The following ADCY3 variants were observed in gnomAD, a reference collection of about 807,000 sequenced individuals.
ADCY3 encodes adenylate cyclase 3.
Under a neutral mutation model 119.4 loss-of-function variants are expected in ADCY3, and 70 were observed. The observed-to-expected ratio is 0.59, with a 90% confidence interval of 0.48 to 0.72. The LOEUF is 0.72. Ranked by LOEUF, ADCY3 falls within the 30% of genes least tolerant of loss-of-function variation. The pLI, the probability that ADCY3 is intolerant of heterozygous loss-of-function variation, is 0.00. For missense variants in ADCY3, 1,238 were observed against 1,541.6 expected (o/e 0.80, Z 3.30); for synonymous variants, 672 against 621.4 (o/e 1.08, Z -1.21).
In ADCY3 at chr2:24,918,893, A is replaced by G. The variant is rs1264565022; in HGVS notation, c.95T>C (p.Val32Ala). The G allele has an allele frequency of 6.2e-7, 1 of 1,612,750 alleles. No homozygotes were observed. Among genetic ancestry groups the G allele is most frequent in the South Asian group, 1.1e-5 (1 of 91,062 alleles). ...GACCGAGATTTCATGGGTCCGGCCC[A>G]CCCCGCGGTCAGGGTCGGAGGGCAG... ...VSLPSDPDRG[V>A]GRTHEISVRN... is the part of the protein sequence containing the mutation. Residue 32 changes from valine (V) to alanine (A), a missense_variant, in exon 2 of 22, where the codon GTG (valine) becomes GCG (alanine). Val to Ala is a moderately conservative substitution (Grantham distance 64, BLOSUM62 0). Around this residue, in one of 7 missense-constraint regions of ADCY3, gnomAD observed 227 missense variants for 249.3 expected, o/e 0.91. Coordinates refer to ENST00000679454, the MANE Select transcript of ADCY3 (RefSeq NM_004036.5). The surrounding 1 kb of genome is among the most constrained non-coding windows in gnomAD (Gnocchi z 5.4).
In ADCY3 at chr2:24,842,421, GCC is replaced by G; in HGVS notation, c.826-39_826-38del. On this transcript the variant is annotated intron_variant, in intron 3 of 21. Coordinates refer to ENST00000679454, the MANE Select transcript of ADCY3 (RefSeq NM_004036.5). The surrounding 1 kb of genome is among the most constrained non-coding windows in gnomAD (Gnocchi z 4.9). ...AGGAGAGGGTCAGAGGCAAAGGTAG[GCC>G]CTGCTAGAGGCAAGTTCAGATACTT... 1.2e-6 allele frequency: 2 copies of G among 1,613,268 alleles called. No individual in the cohort carries two copies. Among genetic ancestry groups the G allele is most frequent in the Non-Finnish European group, 1.7e-6 (2 of 1,179,628 alleles).
At position 24,919,032 on chromosome 2, in the gene ADCY3, C is replaced by T. The variant is rs1375042556; in HGVS notation, c.-45G>A. The stretch of plus-strand genomic sequence containing the variant: ...TGGCCCTAGAGAAGTGGACTGGGAA[C>T]GGAGGAAGAGCTCTGGACTGGGCCT... On this transcript the variant is annotated 5_prime_UTR_variant, in exon 2 of 22. Coordinates refer to ENST00000679454, the MANE Select transcript of ADCY3 (RefSeq NM_004036.5). This position sits in a 1 kb window ranked among gnomAD's most constrained non-coding sequence, Gnocchi z 5.5. 2.0e-6 allele frequency: 3 copies of T among 1,497,748 alleles called. No homozygotes were observed. The highest frequency in any genetic ancestry group is 2.1e-5 in the Admixed American group (1 of 48,398). The allele number at this position is 1,497,748 out of a possible 1,614,324, so 92.8% of individuals were successfully genotyped here.
chr2:24,852,722 G>A (rs116493845), intron 3 of ADCY3, among the ~76,000 whole-genome samples: 9,549 of 152,356 alleles, frequency 0.063, 402 homozygotes, highest in East Asian at 0.095. Flanking sequence ...AGGAGCCGCT[G>A]CCCGAGGACC....
chr2:24,835,419 T>A (rs546444615), intron 9 of ADCY3, among the ~76,000 whole-genome samples: 13 of 152,182 alleles, frequency 8.5e-5, no homozygotes, highest in Non-Finnish European at 1.8e-4. Flanking sequence ...AGGGGGAAAG[T>A]GATGGGAGAG....
At chr2:24,832,056 G>GGGCCAGCAGAC (rs1572825332) in intron 11 of ADCY3, 2 of 76,918 alleles carry the variant, frequency 2.6e-5, no homozygotes, top group East Asian at 1.2e-3. Flanking sequence ...AGGACCGGGG[G>GGGCCAGCAGAC]AAGGGGGCAG....
intron 3 of ADCY3, among the ~76,000 whole-genome samples, chr2:24,856,663 G>A (rs1396571750): frequency 2.0e-5 from 3 of 152,186 alleles, no homozygotes; most frequent in South Asian, 2.1e-4. Flanking sequence ...CAATACTGCC[G>A]CCATTTAGAC....
intron 3 of ADCY3, among the ~76,000 whole-genome samples, chr2:24,857,960 C>T (rs1463920269): frequency 6.6e-6 from 1 of 151,038 alleles, no homozygotes; most frequent in African/African-American, 2.5e-5. Flanking sequence ...TCCCCAGTGC[C>T]TAGAAAAGTC....
intron 2 of ADCY3, among the ~76,000 whole-genome samples, chr2:24,886,768 C>T (rs911744475): frequency 1.3e-5 from 2 of 152,240 alleles, no homozygotes; most frequent in African/African-American, 4.8e-5. Context: ...CTCACTCACT[C>T]GGATGAGCCT....
At chr2:24,829,790 G>A (rs1669213359) in intron 13 of ADCY3, among the ~76,000 whole-genome samples, 2 of 151,402 alleles carry the variant, frequency 1.3e-5, no homozygotes, top group South Asian at 2.1e-4. Context: ...TAGTGTATAT[G>A]GTACTACCAC....
chr2:24,853,109 T>C (rs1162570553), intron 3 of ADCY3, among the ~76,000 whole-genome samples: 1 of 149,808 alleles, frequency 6.7e-6, no homozygotes, highest in Admixed American at 6.7e-5. Context: ...GTCTACCTAC[T>C]AAAGGCACTG....
At chr2:24,871,402 C>T (rs1674993133) in intron 3 of ADCY3, among the ~76,000 whole-genome samples, 1 of 152,322 alleles carries the variant, frequency 6.6e-6, no homozygotes, top group East Asian at 1.9e-4. Flanking sequence ...GGGAAAATCC[C>T]CTCCTATGGG....
At chr2:24,820,337 C>T in intron 21 of ADCY3, 1 of 1,331,602 alleles carries the variant, frequency 7.5e-7, no homozygotes, top group Non-Finnish European at 9.6e-7. Context: ...CATCCAGAGA[C>T]TTCTCTCCTA....
In ADCY3 at chr2:24,819,229, C is replaced by A. The variant is rs1012225036; in HGVS notation, c.*703G>T. 6.6e-6 allele frequency: 1 copy of A among 152,618 alleles called. No homozygotes were observed. Among genetic ancestry groups the A allele is most frequent in the Non-Finnish European group, 1.5e-5 (1 of 68,034 alleles). The allele number at this position is 152,618 out of a possible 1,614,324, so 9.5% of individuals were successfully genotyped here. On this transcript the variant is annotated 3_prime_UTR_variant, in exon 22 of 22. Transcript: ENST00000679454. ...TGTTCTTTATCAATACCTGTAAATT[C>A]TCTTAAAGCAGTAGCAAAGGCGACT...
intron 3 of ADCY3, among the ~76,000 whole-genome samples, chr2:24,866,293 C>T (rs1267966546): frequency 1.3e-5 from 2 of 152,054 alleles, no homozygotes; most frequent in Non-Finnish European, 2.9e-5. Flanking sequence ...CTACTATTTC[C>T]CATCCACAAT....
intron 17 of ADCY3, 70 bp downstream of exon 17, chr2:24,824,308 G>T (rs1668282559): frequency 6.4e-7 from 1 of 1,573,984 alleles, no homozygotes. Flanking sequence ...GCCCAGCGGG[G>T]GCTGCCTGAA....
chr2:24,850,409 A>T (rs1672157224), intron 3 of ADCY3, among the ~76,000 whole-genome samples: 1 of 152,202 alleles, frequency 6.6e-6, no homozygotes, highest in Non-Finnish European at 1.5e-5. Context: ...GGGGGAAGGA[A>T]GGAGGCTGGG....
intron 3 of ADCY3, among the ~76,000 whole-genome samples, chr2:24,844,273 A>C (rs1010486235): frequency 2.6e-5 from 4 of 152,048 alleles, no homozygotes; most frequent in Admixed American, 2.6e-4. Context: ...CAGGACCCCC[A>C]GGAGCTCTGT....
intron 3 of ADCY3, among the ~76,000 whole-genome samples, chr2:24,867,282 A>G (rs531967705): frequency 6.6e-6 from 1 of 152,362 alleles, no homozygotes; most frequent in East Asian, 1.9e-4. Flanking sequence ...GGCTAGAAGT[A>G]AAAAATGGCA....
intron 21 of ADCY3, 64 bp downstream of exon 21, chr2:24,820,660 G>A (rs1363227350): frequency 6.2e-7 from 1 of 1,602,942 alleles, no homozygotes; most frequent in Non-Finnish European, 8.5e-7. Flanking sequence ...ACGTGGGAAA[G>A]CACTGTTCCG....
Sources: allele counts gnomAD v4.1 joint callset (sites outside exome capture counted in the v4.1 genomes callset), GRCh38; gene constraint gnomAD v4.1.1; regional missense constraint gnomAD v4.1.1; non-coding constraint Gnocchi (gnomAD v3.1); transcripts MANE v1.5; gene names NCBI Gene and HGNC (gene_info 2026-07-23, HGNC 2026-07-21).